Variants in THSD7B observed in about 807,000 individuals in gnomAD.
The protein encoded by THSD7B is thrombospondin type 1 domain containing 7B.
A neutral mutation model predicts 213.6 loss-of-function variants in THSD7B; 138 were observed. That is an observed-to-expected ratio of 0.65 (90% CI 0.56 to 0.74). THSD7B has a LOEUF of 0.74. THSD7B is among the 30% of genes least tolerant of loss of function. The pLI, the probability that THSD7B is intolerant of heterozygous loss-of-function variation, is 0.00. For synonymous variants in THSD7B, 742 were observed against 687.0 expected (o/e 1.08, Z -1.25); for missense variants, 1,931 against 1,991.5 (o/e 0.97, Z 0.58).
chr2:136,825,843 C>T (rs535054911), intron 1 of THSD7B, among the ~76,000 whole-genome samples: 2 of 151,794 alleles, frequency 1.3e-5, no homozygotes, highest in South Asian at 2.1e-4. Context: ...TGAGCATTCA[C>T]GTCTGGCTAG....
At chr2:137,471,875 C>G (rs1688101051) in intron 15 of THSD7B, among the ~76,000 whole-genome samples, 1 of 152,128 alleles carries the variant, frequency 6.6e-6, no homozygotes, top group South Asian at 2.1e-4. Flanking sequence ...TGCGGGTGAC[C>G]ATTTATAATG....
At chr2:136,900,164 T>A (rs2105011214) in intron 2 of THSD7B, among the ~76,000 whole-genome samples, 1 of 152,322 alleles carries the variant, frequency 6.6e-6, no homozygotes, top group African/African-American at 2.4e-5. Context: ...CAGCTGAGAA[T>A]TGTGTATACC....
chr2:137,030,812 A>G (rs946115321), intron 2 of THSD7B, among the ~76,000 whole-genome samples: 3 of 152,136 alleles, frequency 2.0e-5, no homozygotes, highest in Non-Finnish European at 4.4e-5. Context: ...AAAACTACCT[A>G]TTGGGTACAG....
intron 12 of THSD7B, among the ~76,000 whole-genome samples, chr2:137,326,332 T>G (rs1458246849): frequency 6.6e-6 from 1 of 152,204 alleles, no homozygotes; most frequent in African/African-American, 2.4e-5. Context: ...TTGTCTGGCA[T>G]GTAGTTGATA....
intron 2 of THSD7B, among the ~76,000 whole-genome samples, chr2:137,032,579 A>G (rs1686695630): frequency 6.6e-6 from 1 of 152,212 alleles, no homozygotes; most frequent in Admixed American, 6.5e-5. Context: ...ATGTGTTAGG[A>G]CACTTAATAA....
In THSD7B at chr2:137,579,781, A is replaced by C. The variant is rs540849448; in HGVS notation, c.3423+7225A>C. On this transcript the variant is annotated intron_variant, in intron 17 of 27. Coordinates refer to ENST00000409968, the MANE Select transcript of THSD7B (RefSeq NM_001316349.2). ...CAAGTCGGCTGTCAGTTATCAGATA[A>C]GTTTTCTAGCTTCTTAAATGTTATT... Among the ~76,000 whole-genome samples, 2 of 152,246 alleles carry C rather than the reference A, an allele frequency of 1.3e-5. 1 individual carries two copies. The highest frequency in any genetic ancestry group is 3.9e-4 in the East Asian group (2 of 5,176).
chr2:136,911,141 T>C (rs1403726412), intron 2 of THSD7B, among the ~76,000 whole-genome samples: 2 of 152,190 alleles, frequency 1.3e-5, no homozygotes, highest in African/African-American at 4.8e-5. Context: ...CAAAATCAAC[T>C]TTAAGGTTGG....
intron 14 of THSD7B, among the ~76,000 whole-genome samples, chr2:137,443,154 C>T (rs1687455960): frequency 6.6e-6 from 1 of 152,084 alleles, no homozygotes; most frequent in African/African-American, 2.4e-5. Flanking sequence ...TATCTTTTCT[C>T]TGCCTGGAGG....
At chr2:136,946,976 C>T (rs968526974) in intron 2 of THSD7B, among the ~76,000 whole-genome samples, 53 of 152,238 alleles carry the variant, frequency 3.5e-4, no homozygotes, top group Non-Finnish European at 2.8e-4. Flanking sequence ...TCGGCTCACC[C>T]TCCATGGGCT....
intron 15 of THSD7B, among the ~76,000 whole-genome samples, chr2:137,457,751 A>G (rs1028692216): frequency 2.6e-5 from 4 of 152,196 alleles, no homozygotes; most frequent in African/African-American, 9.6e-5. Context: ...TCAGGCATTG[A>G]AAGAATAAGA....
chr2:137,180,956 G>A (rs1680441894), intron 7 of THSD7B, among the ~76,000 whole-genome samples: 1 of 152,124 alleles, frequency 6.6e-6, no homozygotes, highest in Admixed American at 6.6e-5. Flanking sequence ...CATACACTAA[G>A]CATGTTGCCT....
At chr2:137,327,170 G>A (rs1573963218) in intron 12 of THSD7B, among the ~76,000 whole-genome samples, 1 of 152,230 alleles carries the variant, frequency 6.6e-6, no homozygotes. Context: ...CTGATTTAAA[G>A]CGCAAGCCTG....
At chr2:137,340,047 A>G (rs1484155562) in intron 12 of THSD7B, among the ~76,000 whole-genome samples, 1 of 151,838 alleles carries the variant, frequency 6.6e-6, no homozygotes, top group African/African-American at 2.4e-5. Context: ...TGTTTGGTAC[A>G]TTGGAGATAA....
At chr2:136,901,346 CAAG>C (rs753821393) in intron 2 of THSD7B, among the ~76,000 whole-genome samples, 10 of 152,210 alleles carry the variant, frequency 6.6e-5, no homozygotes, top group Non-Finnish European at 1.3e-4. Flanking sequence ...GAAGGAGAAC[CAAG>C]AAGAATTGCC....
chr2:137,211,342 A>ACACACACACACACACACAGAGG (rs1681102509), intron 7 of THSD7B, among the ~76,000 whole-genome samples: 3 of 115,646 alleles, frequency 2.6e-5, no homozygotes, highest in Non-Finnish European at 3.9e-5. Flanking sequence ...ACACACACAC[A>ACACACACACACACACACAGAGG]CACACACACA....
chr2:137,543,978 G>T (rs2105195411), intron 15 of THSD7B, among the ~76,000 whole-genome samples: 1 of 151,928 alleles, frequency 6.6e-6, no homozygotes, highest in East Asian at 1.9e-4. Flanking sequence ...TGTTGGTGAA[G>T]ATGTTGAGTA....
chr2:137,207,667 A>G lies in THSD7B; in HGVS notation c.1724-23377A>G, dbSNP rs373352016. ...TGGCACTGGATTGAGGTATTGGTAGACATTTGGAGAGTGGGTTCACTTAAG... is the reference window on the plus strand; with the variant it reads ...TGGCACTGGATTGAGGTATTGGTAGGCATTTGGAGAGTGGGTTCACTTAAG... On this transcript the variant is annotated intron_variant, in intron 7 of 27. Coordinates refer to ENST00000409968, the MANE Select transcript of THSD7B (RefSeq NM_001316349.2). 8.5e-5 allele frequency among the ~76,000 whole-genome samples: 13 copies of G among 152,062 alleles called. No homozygotes were observed. In the East Asian group the frequency reaches 1.4e-3, roughly 16 times the overall value.
intron 5 of THSD7B, among the ~76,000 whole-genome samples, chr2:137,135,528 A>G (rs2104958424): frequency 6.6e-6 from 1 of 152,324 alleles, no homozygotes; most frequent in East Asian, 1.9e-4. Context: ...AAGCCTACAC[A>G]TTAAAATTCT....
intron 1 of THSD7B, among the ~76,000 whole-genome samples, chr2:136,787,844 C>T (rs1376753971): frequency 1.7e-4 from 26 of 151,976 alleles, no homozygotes; most frequent in Non-Finnish European, 2.9e-5. Context: ...TGTAGTTTCC[C>T]CTAATGCTAT....
Sources: allele counts gnomAD v4.1 joint callset (sites outside exome capture counted in the v4.1 genomes callset), GRCh38; gene constraint gnomAD v4.1.1; transcripts MANE v1.5; gene names NCBI Gene and HGNC (gene_info 2026-07-23, HGNC 2026-07-21).